MAP3K9: variants seen among roughly 807,000 people sequenced by gnomAD.
MAP3K9 encodes the protein mixed lineage kinase 1 (tyr and ser/thr specificity).
Under a neutral mutation model 95.8 loss-of-function variants are expected in MAP3K9, and 46 were observed. The ratio of observed to expected loss-of-function variants is 0.48; its 90% CI spans 0.38 to 0.61. MAP3K9 has a LOEUF of 0.61. MAP3K9 is among the 20% of genes least tolerant of loss of function. MAP3K9 has a pLI of 0.00. For missense variants in MAP3K9, 1,296 were observed against 1,474.3 expected (o/e 0.88, Z 1.98); for synonymous variants, 533 against 593.8 (o/e 0.90, Z 1.49).
At chr14:70,760,141 GCACACACACACACA>G (rs60112409) in intron 3 of MAP3K9, among the ~76,000 whole-genome samples, 1 of 147,700 alleles carries the variant, frequency 6.8e-6, no homozygotes, top group Non-Finnish European at 1.5e-5. Context: ...AAATAAACGT[GCACACACACACACA>G]CACACACACA....
At chr14:70,753,398 C>T (rs1330989211) in intron 3 of MAP3K9, among the ~76,000 whole-genome samples, 2 of 152,138 alleles carry the variant, frequency 1.3e-5, no homozygotes, top group Non-Finnish European at 2.9e-5. Flanking sequence ...GCCAACATCC[C>T]GCTTTATGTT....
At chr14:70,799,836 G>C (rs763447883) in intron 2 of MAP3K9, among the ~76,000 whole-genome samples, 1 of 152,110 alleles carries the variant, frequency 6.6e-6, no homozygotes, top group Non-Finnish European at 1.5e-5. Context: ...TCCTCTCTGG[G>C]ACAGGATGCT....
intron 10 of MAP3K9, chr14:70,733,709 C>T (rs375103723): frequency 8.8e-5 from 63 of 717,908 alleles, no homozygotes; most frequent in Non-Finnish European, 6.0e-5. Flanking sequence ...AGGCTGTTTC[C>T]AGGGGAGACT....
chr14:70,790,477 C>T (rs183093247), intron 2 of MAP3K9, among the ~76,000 whole-genome samples: 159 of 152,288 alleles, frequency 1.0e-3, no homozygotes, highest in Non-Finnish European at 8.7e-4. Context: ...CAAGGCCACC[C>T]GGCCAGTCAG....
chr14:70,758,397 A>C (rs2054325644), intron 3 of MAP3K9, among the ~76,000 whole-genome samples: 1 of 152,242 alleles, frequency 6.6e-6, no homozygotes, highest in Admixed American at 6.5e-5. Context: ...AAAGGCAATA[A>C]CAAGTATTGA....
At chr14:70,737,748 A>AT (rs2054004829) in intron 8 of MAP3K9, among the ~76,000 whole-genome samples, 1 of 152,208 alleles carries the variant, frequency 6.6e-6, no homozygotes, top group Admixed American at 6.5e-5. Context: ...CTGCTTTAAA[A>AT]ATGGAAGAAG....
intron 2 of MAP3K9, among the ~76,000 whole-genome samples, chr14:70,768,841 G>C (rs950182263): frequency 6.6e-6 from 1 of 152,094 alleles, no homozygotes; most frequent in Non-Finnish European, 1.5e-5. Flanking sequence ...TAGTACAAGA[G>C]GCTTCAATTT....
chr14:70,783,832 G>A (rs976873128), intron 2 of MAP3K9, among the ~76,000 whole-genome samples: 5 of 152,200 alleles, frequency 3.3e-5, no homozygotes, highest in Admixed American at 3.3e-4. Context: ...GCTGAAAGAC[G>A]TGGCATCTGA....
intron 1 of MAP3K9, among the ~76,000 whole-genome samples, chr14:70,801,872 G>A (rs1300009578): frequency 6.6e-6 from 1 of 152,182 alleles, no homozygotes; most frequent in African/African-American, 2.4e-5. Flanking sequence ...CAAGAACATG[G>A]AGTACGAAGT....
At chr14:70,738,604 A>C (rs1232729431) in intron 7 of MAP3K9, among the ~76,000 whole-genome samples, 1 of 152,252 alleles carries the variant, frequency 6.6e-6, no homozygotes, top group Non-Finnish European at 1.5e-5. Flanking sequence ...AGTACTAAAC[A>C]TGGAAACACT....
chr14:70,776,285 C>T (rs145406362), intron 2 of MAP3K9, among the ~76,000 whole-genome samples: 81 of 152,232 alleles, frequency 5.3e-4, no homozygotes, highest in African/African-American at 1.9e-3. Flanking sequence ...AAAAGCTTAC[C>T]GGCAGGCAGC....
chr14:70,777,175 G>A (rs2054611126), intron 2 of MAP3K9, among the ~76,000 whole-genome samples: 3 of 152,032 alleles, frequency 2.0e-5, no homozygotes, highest in East Asian at 1.9e-4. Flanking sequence ...CTGTTGCTTC[G>A]ACCAATGCCC....
intron 1 of MAP3K9, among the ~76,000 whole-genome samples, chr14:70,805,097 A>G (rs1204578813): frequency 6.6e-6 from 1 of 152,234 alleles, no homozygotes; most frequent in African/African-American, 2.4e-5. Flanking sequence ...TTTCTGTGGA[A>G]GGATATTTCC....
In MAP3K9 at chr14:70,730,962, A is replaced by G. The variant is rs922144979; in HGVS notation, c.2831-98T>C. On this transcript the variant is annotated intron_variant, in intron 11 of 11. Coordinates refer to ENST00000554752, the MANE Select transcript of MAP3K9 (RefSeq NM_001284230.2). ...CCCAACACCACCATATCCCTACGCAATCAGGAGAACATGAATCACCAAATG... is the reference window on the plus strand; with the variant it reads ...CCCAACACCACCATATCCCTACGCAGTCAGGAGAACATGAATCACCAAATG... 36 of 1,296,314 alleles carry G rather than the reference A, an allele frequency of 2.8e-5. No individual in the cohort carries two copies. The African/African-American group carries it at 5.0e-4, about 18-fold the overall frequency. 80.3% of individuals were successfully genotyped at this position (1,296,314 alleles called of 1,614,324 possible). A position where few individuals can be genotyped will look rare whatever the true frequency, so the allele number is the denominator to read the frequency against.
rs1416945465 is a variant in MAP3K9 at position 70,728,659 on chromosome 14, GC to G, written c.*1720del. ...CGCCTTCCCGTCCAAGACTTGGTGGGCCCCTTGAACCAAAGTGCTAATGGGC... is the reference window on the plus strand; with the variant it reads ...CGCCTTCCCGTCCAAGACTTGGTGGGCCCTTGAACCAAAGTGCTAATGGGC... On this transcript the variant is annotated 3_prime_UTR_variant, in exon 12 of 12. Transcript: ENST00000554752. The G allele has an allele frequency of 6.6e-6, 1 of 152,198 alleles. No homozygotes were observed. Among genetic ancestry groups the G allele is most frequent in the Non-Finnish European group, 1.5e-5 (1 of 68,054 alleles). 9.4% of individuals were successfully genotyped at this position (152,198 alleles called of 1,614,324 possible).
chr14:70,775,990 A>G (rs2054592965), intron 2 of MAP3K9, among the ~76,000 whole-genome samples: 1 of 152,076 alleles, frequency 6.6e-6, no homozygotes, highest in South Asian at 2.1e-4. Flanking sequence ...GGAGTTGGAG[A>G]CCAGCCTGAC....
rs201096147 is a variant in MAP3K9, at chr14:70,774,675, AAAC to A, written c.821-13496_821-13494del. ...CAGAGAGAGACTCCATCTCAAAAAC[AAAC>A]AACAACAACAAAATGTATGTCAAAA... On this transcript the variant is annotated intron_variant, in intron 2 of 11. Coordinates refer to ENST00000554752, the MANE Select transcript of MAP3K9 (RefSeq NM_001284230.2). Among the ~76,000 whole-genome samples, 954 of 147,788 alleles carry A rather than the reference AAAC, an allele frequency of 6.5e-3. 7 individuals are homozygous for A. The highest frequency in any genetic ancestry group is 0.023 in the African/African-American group (921 of 39,818).
rs1248087755 is a variant in MAP3K9 at position 70,738,316 on chromosome 14, G to C, written c.1773C>G (p.Ala591=). ...KEEGEEEEKR[A]PKKKGRTWGP... The stretch of plus-strand genomic sequence containing the variant: ...CCCACGTCCGTCCCTTCTTCTTTGG[G>C]GCCCTCTTCTCCTCCTCCTCCCCTT... Residue 591 remains alanine (A), a synonymous_variant, in exon 8 of 12, where the codon GCC becomes GCG. Coordinates refer to ENST00000554752, the MANE Select transcript of MAP3K9 (RefSeq NM_001284230.2). 1 of 1,613,714 alleles carries C rather than the reference G, an allele frequency of 6.2e-7. No individual in the cohort carries two copies. Among genetic ancestry groups the C allele is most frequent in the African/African-American group, 1.3e-5 (1 of 74,872 alleles).
intron 3 of MAP3K9, among the ~76,000 whole-genome samples, chr14:70,760,690 A>C (rs944623860): frequency 2.6e-5 from 4 of 152,094 alleles, no homozygotes; most frequent in Non-Finnish European, 5.9e-5. Context: ...AGAAGGACCG[A>C]GTGTCCTTCC....
Sources: allele counts gnomAD v4.1 joint callset (sites outside exome capture counted in the v4.1 genomes callset), GRCh38; gene constraint gnomAD v4.1.1; transcripts MANE v1.5; gene names NCBI Gene and HGNC (gene_info 2026-07-23, HGNC 2026-07-21).